Variants in DOCK11 observed in about 807,000 individuals in gnomAD.
DOCK11 encodes dedicator of cytokinesis protein 11.
DOCK11 carries 70 observed loss-of-function variants against 169.1 expected under a neutral mutation model. That is an observed-to-expected ratio of 0.41 (90% CI 0.34 to 0.51). DOCK11 has a LOEUF of 0.51. DOCK11 is among the 20% of genes least tolerant of loss of function. DOCK11 has a pLI of 0.10. For missense variants in DOCK11, 1,166 were observed against 1,538.8 expected, an observed-to-expected ratio of 0.76 and a Z score of 4.05; for synonymous variants, 529 against 541.3, an observed-to-expected ratio of 0.98 and a Z score of 0.32.
chrX:118,527,179 A>T (rs941088359), intron 1 of DOCK11, among the ~76,000 whole-genome samples: 1 of 112,390 alleles, frequency 8.9e-6, no homozygotes, highest in Non-Finnish European at 1.9e-5. Context: ...TTGGTAGTAA[A>T]GGAAAACTAC....
At chrX:118,558,522 A>T (rs1569416013) in intron 6 of DOCK11, among the ~76,000 whole-genome samples, 1 of 112,215 alleles carries the variant, frequency 8.9e-6, no homozygotes, top group Non-Finnish European at 1.9e-5. Flanking sequence ...CATTGTGGAA[A>T]TTTTTTAAAT....
intron 1 of DOCK11, among the ~76,000 whole-genome samples, chrX:118,500,290 C>G (rs1408436698): frequency 9.0e-6 from 1 of 110,736 alleles, no homozygotes; most frequent in Non-Finnish European, 1.9e-5. Flanking sequence ...CCTCGTGATC[C>G]GCCCGCCTCG....
intron 16 of DOCK11, 35 bp downstream of exon 16, chrX:118,585,152 T>C (rs1255032904): frequency 9.2e-7 from 1 of 1,089,796 alleles, no homozygotes; most frequent in Non-Finnish European, 1.3e-6. Flanking sequence ...TTAAGCATAA[T>C]GTTTGAATGT....
intron 45 of DOCK11, among the ~76,000 whole-genome samples, chrX:118,666,363 A>C (rs917966649): frequency 6.2e-5 from 7 of 112,464 alleles, no homozygotes; most frequent in African/African-American, 2.3e-4. Flanking sequence ...AGAAACAAAA[A>C]ATAGAACATG....
chrX:118,634,644 G>A (rs984817721), intron 35 of DOCK11, among the ~76,000 whole-genome samples: 1 of 112,721 alleles, frequency 8.9e-6, no homozygotes, highest in African/African-American at 3.2e-5. Context: ...AGGGACTTCT[G>A]GGGGGGAACC....
intron 12 of DOCK11, among the ~76,000 whole-genome samples, chrX:118,576,225 G>A (rs1283258945): frequency 1.8e-5 from 2 of 111,903 alleles, no homozygotes; most frequent in Non-Finnish European, 3.8e-5. Context: ...GGTGGCTGGG[G>A]TAGAGGACCT....
intron 7 of DOCK11, among the ~76,000 whole-genome samples, chrX:118,564,385 T>C (rs997045742): frequency 2.7e-5 from 3 of 112,846 alleles, no homozygotes; most frequent in East Asian, 2.8e-4. Context: ...TGGAAAATTA[T>C]TGATTCATGA....
At chrX:118,674,658 T>A (rs980199878) in intron 46 of DOCK11, among the ~76,000 whole-genome samples, 2 of 112,033 alleles carry the variant, frequency 1.8e-5, no homozygotes, top group Non-Finnish European at 3.8e-5. Context: ...TGGATATATA[T>A]TTTCAATTCT....
Position 118,681,762 on chromosome X carries a change from T to G in DOCK11, c.5931T>G (p.Pro1977=). 8.3e-7 allele frequency: 1 copy of G among 1,206,433 alleles called. No homozygotes were observed. Among genetic ancestry groups the G allele is most frequent in the Non-Finnish European group, 1.1e-6 (1 of 892,906 alleles). The change falls in exon 51 of 53, where the codon CCT becomes CCG. Residue 1977 remains proline (P), a synonymous_variant. Transcript: ENST00000276202. The stretch of plus-strand genomic sequence containing the variant: ...ACAGCCAAGCTAGCAAGTATCCACC[T>G]AAGAAAGTGAGTGAGTTGAAAGACA... ...LNDSQASKYP[P]KKVSELKDMF... is the part of the protein sequence containing the mutation.
chrX:118,506,477 C>T (rs952293286), intron 1 of DOCK11, among the ~76,000 whole-genome samples: 1 of 110,287 alleles, frequency 9.1e-6, no homozygotes, highest in African/African-American at 3.3e-5. Flanking sequence ...ATCAGCCTGG[C>T]CAACATGGTA....
At chrX:118,598,390 C>T (rs1384307282) in intron 22 of DOCK11, among the ~76,000 whole-genome samples, 4 of 102,434 alleles carry the variant, frequency 3.9e-5, no homozygotes, top group African/African-American at 1.5e-4. Context: ...AAGACCCTGT[C>T]TCTTAAAAAA....
intron 32 of DOCK11, among the ~76,000 whole-genome samples, chrX:118,627,229 G>A (rs1321925427): frequency 1.8e-5 from 2 of 110,767 alleles, no homozygotes; most frequent in Non-Finnish European, 3.8e-5. Context: ...CCCTGTCTCA[G>A]AAAACGAAAA....
intron 27 of DOCK11, 115 bp downstream of exon 27, chrX:118,609,464 T>G: frequency 1.9e-6 from 1 of 515,891 alleles, no homozygotes; most frequent in Non-Finnish European, 3.0e-6. Context: ...AGCCATGCCA[T>G]GCAAATCCCA....
intron 23 of DOCK11, among the ~76,000 whole-genome samples, chrX:118,603,691 T>C (rs2014409653): frequency 8.9e-6 from 1 of 112,443 alleles, no homozygotes; most frequent in Admixed American, 9.4e-5. Context: ...TTTATTTGTT[T>C]GGGTTTACTT....
In DOCK11 at chrX:118,513,281, T is replaced by C. The variant is rs1477224515; in HGVS notation, c.102+17208T>C. 2.7e-5 allele frequency among the ~76,000 whole-genome samples: 3 copies of C among 112,463 alleles called. No homozygotes were observed. The South Asian group carries it at 1.1e-3, about 41-fold the overall frequency. The stretch of plus-strand genomic sequence containing the variant: ...CTTTTCTTTAGCCAAGGATGGAAAA[T>C]TCCAAAGGCCTGAGCTAGTGATGGC... On this transcript the variant is annotated intron_variant, in intron 1 of 52. Coordinates refer to ENST00000276202, the MANE Select transcript of DOCK11 (RefSeq NM_144658.4).
intron 41 of DOCK11, among the ~76,000 whole-genome samples, chrX:118,651,284 ATTAG>A (rs2015939936): frequency 9.0e-6 from 1 of 111,378 alleles, no homozygotes; most frequent in Non-Finnish European, 1.9e-5. Flanking sequence ...AATATAAAAA[ATTAG>A]TTAGGTGTGG....
intron 46 of DOCK11, among the ~76,000 whole-genome samples, chrX:118,674,228 G>A (rs759145236): frequency 3.3e-4 from 37 of 110,867 alleles, no homozygotes; most frequent in East Asian, 5.6e-4. Flanking sequence ...TCAGCTCACC[G>A]CAACCTCCGC....
chrX:118,670,812 T>C (rs1390332587), intron 45 of DOCK11, among the ~76,000 whole-genome samples: 1 of 112,418 alleles, frequency 8.9e-6, no homozygotes, highest in Admixed American at 9.4e-5. Flanking sequence ...ATTGTTAACA[T>C]CAATTTTATA....
chrX:118,621,369 T>C (rs1420515508), intron 31 of DOCK11, among the ~76,000 whole-genome samples: 1 of 112,039 alleles, frequency 8.9e-6, no homozygotes, highest in Admixed American at 9.5e-5. Context: ...AAGTAGAGCA[T>C]GTTTCCTATT....
Sources: allele counts gnomAD v4.1 joint callset (sites outside exome capture counted in the v4.1 genomes callset), GRCh38; gene constraint gnomAD v4.1.1; transcripts MANE v1.5; gene names NCBI Gene and HGNC (gene_info 2026-07-23, HGNC 2026-07-21).